CAPZB: variants seen among roughly 807,000 people sequenced by gnomAD.
CAPZB encodes F-actin-capping protein subunit beta.
Under a neutral mutation model 38.1 loss-of-function variants are expected in CAPZB, and 2 were observed. The ratio of observed to expected loss-of-function variants is 0.05; its 90% CI spans 0.02 to 0.17. The LOEUF (loss-of-function observed/expected upper bound fraction) is 0.17. Ranked by LOEUF, CAPZB falls within the 10% of genes least tolerant of loss-of-function variation. The probability of loss-of-function intolerance (pLI) is 1.00; values close to 1 mark genes in which losing one functional copy is unlikely to be tolerated. For synonymous variants in CAPZB, 107 were observed against 127.4 expected, an observed-to-expected ratio of 0.84 and a Z score of 1.08; for missense variants, 161 against 334.2, an observed-to-expected ratio of 0.48 and a Z score of 4.04.
intron 1 of CAPZB, among the ~76,000 whole-genome samples, chr1:19,460,398 TC>T (rs1418187161): frequency 2.6e-5 from 4 of 152,246 alleles, no homozygotes; most frequent in East Asian, 3.9e-4. Flanking sequence ...TGCCTCAGCC[TC>T]CCGAGTAGCT....
chr1:19,432,425 A>G (rs1345548691), intron 1 of CAPZB, among the ~76,000 whole-genome samples: 1 of 152,208 alleles, frequency 6.6e-6, no homozygotes, highest in African/African-American at 2.4e-5. Context: ...CTGGGTGATA[A>G]GGTGAGACCC....
rs1451210552 is a variant in CAPZB at position 19,485,445 on chromosome 1, G to T, written c.-7C>A. On this transcript the variant is annotated 5_prime_UTR_variant, in exon 1 of 9. Transcript: ENST00000264202. Reference sequence around the variant, plus strand: ...GCCGTGCGGCCTTTACCATGGTGGCGGCGGCGGCGGCGGTCCCGGTCCCGG... The same window carrying T: ...GCCGTGCGGCCTTTACCATGGTGGCTGCGGCGGCGGCGGTCCCGGTCCCGG... The T allele has an allele frequency of 3.3e-6, 4 of 1,230,508 alleles. No individual in the cohort carries two copies. The East Asian group carries it at 1.3e-4, about 39-fold the overall frequency. The allele number at this position is 1,230,508 out of a possible 1,614,324, so 76.2% of individuals were successfully genotyped here.
intron 1 of CAPZB, among the ~76,000 whole-genome samples, chr1:19,477,328 G>T (rs1041426747): frequency 6.6e-6 from 1 of 152,208 alleles, no homozygotes; most frequent in Non-Finnish European, 1.5e-5. Flanking sequence ...ACACCACCCT[G>T]TGCCCAAAAG....
chr1:19,417,656 C>T (rs2094385667), intron 2 of CAPZB, among the ~76,000 whole-genome samples: 1 of 152,112 alleles, frequency 6.6e-6, no homozygotes. Flanking sequence ...TCCAAGGTCT[C>T]CTCACTTTCA....
chr1:19,383,266 T>G (rs2100448375), intron 3 of CAPZB, among the ~76,000 whole-genome samples: 1 of 151,958 alleles, frequency 6.6e-6, no homozygotes, highest in South Asian at 2.1e-4. Context: ...GCCAACGTGG[T>G]GAAACCCTGT....
intron 2 of CAPZB, among the ~76,000 whole-genome samples, chr1:19,396,139 G>C (rs928755820): frequency 2.6e-5 from 4 of 152,250 alleles, no homozygotes; most frequent in African/African-American, 9.6e-5. Flanking sequence ...TGCAGGATGC[G>C]GTCTTGAGCC....
chr1:19,419,414 G>T (rs141077619), intron 2 of CAPZB, among the ~76,000 whole-genome samples: 14 of 152,312 alleles, frequency 9.2e-5, no homozygotes, highest in African/African-American at 3.4e-4. Flanking sequence ...CAGCTGGGGA[G>T]GGAGCAGACT....
chr1:19,463,404 C>T (rs1043209151), intron 1 of CAPZB, among the ~76,000 whole-genome samples: 1 of 152,186 alleles, frequency 6.6e-6, no homozygotes, highest in African/African-American at 2.4e-5. Context: ...GCTGCTTCTG[C>T]AAAACACCTG....
intron 1 of CAPZB, among the ~76,000 whole-genome samples, chr1:19,435,966 G>T (rs2094456963): frequency 1.3e-5 from 2 of 152,328 alleles, no homozygotes; most frequent in Admixed American, 6.5e-5. Flanking sequence ...TGGAAAGCAA[G>T]ATTGTCTGCA....
At chr1:19,390,415 A>T in intron 2 of CAPZB, among the ~76,000 whole-genome samples, 1 of 152,266 alleles carries the variant, frequency 6.6e-6, no homozygotes, top group Non-Finnish European at 1.5e-5. Context: ...TGAACTGCCT[A>T]ACGGCCTTGG....
chr1:19,343,127 G>C (rs1342061518), intron 8 of CAPZB, among the ~76,000 whole-genome samples: 1 of 152,202 alleles, frequency 6.6e-6, no homozygotes, highest in Non-Finnish European at 1.5e-5. Context: ...CCTGGGGACT[G>C]TGCAGGTTGG....
chr1:19,342,505 G>A (rs1054490776), intron 8 of CAPZB, among the ~76,000 whole-genome samples: 1 of 152,212 alleles, frequency 6.6e-6, no homozygotes, highest in Admixed American at 6.5e-5. Context: ...AGAAGCAAAA[G>A]CCAAAAAATC....
At chr1:19,476,967 T>C (rs1050216051) in intron 1 of CAPZB, among the ~76,000 whole-genome samples, 3 of 152,200 alleles carry the variant, frequency 2.0e-5, no homozygotes, top group African/African-American at 7.2e-5. Context: ...TGGACCTCCA[T>C]GGCAACTGCC....
rs889481763 is a variant in CAPZB at position 19,356,013 on chromosome 1, G to A, written c.588+622C>T. Among the ~76,000 whole-genome samples, 4 of 152,148 alleles carry A rather than the reference G, an allele frequency of 2.6e-5. No individual in the cohort carries two copies. The highest frequency in any genetic ancestry group is 4.4e-5 in the Non-Finnish European group (3 of 68,030). ...TTAGACAGAACCTGGGAACAACATC[G>A]TGGAGAAGGGTTGCTAGTGATACCC... On this transcript the variant is annotated intron_variant, in intron 6 of 8. Coordinates refer to ENST00000264202, the MANE Select transcript of CAPZB (RefSeq NM_004930.5). This position sits in a 1 kb window ranked among gnomAD's most constrained non-coding sequence, Gnocchi z 4.3.
At chr1:19,367,031 GAC>G (rs1449743404) in intron 4 of CAPZB, among the ~76,000 whole-genome samples, 3 of 152,218 alleles carry the variant, frequency 2.0e-5, no homozygotes, top group African/African-American at 7.2e-5. Context: ...TCGTGGTGTA[GAC>G]CAACGTTCCT....
intron 7 of CAPZB, 50 bp from the exon 8 acceptor site, chr1:19,344,484 GCC>G: frequency 7.1e-7 from 1 of 1,413,028 alleles, no homozygotes; most frequent in East Asian, 2.3e-5. Flanking sequence ...GAACCCTGAG[GCC>G]CACGCCCTCC....
chr1:19,352,959 G>C (rs2093999952), intron 6 of CAPZB, among the ~76,000 whole-genome samples: 1 of 152,250 alleles, frequency 6.6e-6, no homozygotes, highest in Admixed American at 6.5e-5. Context: ...GCACGAGTGG[G>C]CACAGGGCAT....
Position 19,389,718 on chromosome 1 carries a change from G to A in CAPZB, c.94-4092C>T, listed in dbSNP as rs551354776. ...TAGGATTACAGGTGTGAGCCACTGCGCCTGGCCAGGCCATGTATTTTTATT... is the reference window on the plus strand; with the variant it reads ...TAGGATTACAGGTGTGAGCCACTGCACCTGGCCAGGCCATGTATTTTTATT... On this transcript the variant is annotated intron_variant, in intron 2 of 8. Transcript: ENST00000264202. Among the ~76,000 whole-genome samples the A allele has an allele frequency of 2.9e-3, 446 of 152,214 alleles. 2 individuals carry two copies. Among genetic ancestry groups the A allele is most frequent in the African/African-American group, 0.011 (436 of 41,514 alleles).
At chr1:19,471,433 G>A (rs746609100) in intron 1 of CAPZB, among the ~76,000 whole-genome samples, 9 of 152,112 alleles carry the variant, frequency 5.9e-5, no homozygotes, top group South Asian at 2.1e-4. Context: ...TGAAGCACTC[G>A]GAGCACAGAC....
Sources: gnomAD v4.1 joint callset for allele counts (sites outside exome capture counted in the v4.1 genomes callset) on GRCh38, gnomAD v4.1.1 for gene constraint, Gnocchi (gnomAD v3.1) non-coding constraint, MANE v1.5 for transcripts, NCBI Gene and HGNC (gene_info 2026-07-23, HGNC 2026-07-21) for gene names.